Variants in ATP9B observed in about 807,000 individuals in gnomAD.
ATP9B encodes probable phospholipid-transporting ATPase IIB.
ATP9B carries 110 observed loss-of-function variants against 146.1 expected under a neutral mutation model. The observed-to-expected ratio is 0.75, with a 90% CI of 0.65 to 0.88. ATP9B has a LOEUF of 0.88. ATP9B is among the 40% of genes least tolerant of loss of function. The pLI, the probability that ATP9B is intolerant of heterozygous loss-of-function variation, is 0.00. For missense variants in ATP9B, 1,499 were observed against 1,496.4 expected, an observed-to-expected ratio of 1.00 and a Z score of -0.03; for synonymous variants, 604 against 569.7, an observed-to-expected ratio of 1.06 and a Z score of -0.86.
At chr18:79,093,928 C>T (rs1219662119) in intron 1 of ATP9B, among the ~76,000 whole-genome samples, 4 of 152,188 alleles carry the variant, frequency 2.6e-5, no homozygotes, top group African/African-American at 9.7e-5. Flanking sequence ...GTTGTTCTTT[C>T]TCTTGACTAT....
At chr18:79,073,648 C>A (rs947628127) in intron 1 of ATP9B, among the ~76,000 whole-genome samples, 2 of 151,554 alleles carry the variant, frequency 1.3e-5, no homozygotes, top group African/African-American at 4.8e-5. Context: ...GGGGGGAGAC[C>A]GTGGAAAGCG....
chr18:79,345,637 G>A (rs2096882052), intron 22 of ATP9B, 65 bp downstream of exon 22: 35 of 1,595,464 alleles, frequency 2.2e-5, no homozygotes, highest in Non-Finnish European at 2.7e-5. Context: ...ACATTGATGG[G>A]CAAAGTTTGT....
intron 4 of ATP9B, among the ~76,000 whole-genome samples, chr18:79,123,448 A>G (rs2094224716): frequency 6.6e-6 from 1 of 152,208 alleles, no homozygotes; most frequent in African/African-American, 2.4e-5. Flanking sequence ...AAGACTTAAT[A>G]TTGTTAAGAT....
At chr18:79,117,529 G>C (rs775915650) in intron 4 of ATP9B, 4 of 152,178 alleles carry the variant, frequency 2.6e-5, no homozygotes, top group Non-Finnish European at 5.9e-5. Context: ...AGAAGGTCTT[G>C]GACTGTTTTA....
chr18:79,342,806 T>C (rs2096866605), intron 20 of ATP9B, among the ~76,000 whole-genome samples: 1 of 152,158 alleles, frequency 6.6e-6, no homozygotes, highest in Non-Finnish European at 1.5e-5. Context: ...ATTAAAAAAA[T>C]TACATTTTTC....
At chr18:79,325,843 C>T (rs768830595) in intron 15 of ATP9B, among the ~76,000 whole-genome samples, 12 of 152,194 alleles carry the variant, frequency 7.9e-5, no homozygotes, top group Non-Finnish European at 1.8e-4. Flanking sequence ...TCTCTGCACA[C>T]TCCATTCCTT....
chr18:79,087,541 G>A (rs2073950617), intron 1 of ATP9B: 1 of 152,226 alleles, frequency 6.6e-6, no homozygotes, highest in Non-Finnish European at 1.5e-5. Context: ...TGCAGGCAAA[G>A]TGGGAGTGTT....
intron 5 of ATP9B, among the ~76,000 whole-genome samples, chr18:79,129,140 A>G (rs1568236702): frequency 1.3e-5 from 2 of 152,192 alleles, no homozygotes; most frequent in African/African-American, 4.8e-5. Flanking sequence ...TTTCTCAAAC[A>G]TATGCAAGGC....
chr18:79,143,720 A>G lies in ATP9B; in HGVS notation c.668-82A>G, dbSNP rs961138858. On this transcript the variant is annotated intron_variant, in intron 5 of 29. Transcript: ENST00000426216. ...GTTTTTTTTTCTGTAGCTTATTTCT[A>G]AAGTAATTATTTTTTAATTGAAAGT... 1.3e-5 allele frequency: 11 copies of G among 879,864 alleles called. No homozygotes were observed. The African/African-American group carries it at 1.7e-4, about 14-fold the overall frequency. 54.5% of individuals were successfully genotyped at this position (879,864 alleles called of 1,614,324 possible). A position where few individuals can be genotyped will look rare whatever the true frequency, so the allele number is the denominator to read the frequency against.
chr18:79,353,357 T>TC (rs1485298012), intron 25 of ATP9B: 1 of 152,158 alleles, frequency 6.6e-6, no homozygotes, highest in East Asian at 1.9e-4. Flanking sequence ...ACTGGGAGCT[T>TC]CCACGCAGAC....
At chr18:79,286,460 A>C (rs2096443131) in intron 13 of ATP9B, among the ~76,000 whole-genome samples, 1 of 151,980 alleles carries the variant, frequency 6.6e-6, no homozygotes, top group African/African-American at 2.4e-5. Context: ...ATTTTTGTAC[A>C]TTGATTTTGT....
chr18:79,071,049 CTTTTTTTT>C (rs746689031), intron 1 of ATP9B, among the ~76,000 whole-genome samples: 2 of 112,396 alleles, frequency 1.8e-5, no homozygotes, highest in African/African-American at 7.0e-5. Flanking sequence ...ATTCCTGTTT[CTTTTTTTT>C]TTTTTTTTTG....
chr18:79,194,868 TC>T (rs2095404236), intron 9 of ATP9B, among the ~76,000 whole-genome samples: 2 of 152,164 alleles, frequency 1.3e-5, no homozygotes, highest in Non-Finnish European at 2.9e-5. Context: ...GCTGATATCA[TC>T]CAGGTTTTGC....
chr18:79,230,234 A>G (rs1599103517), intron 11 of ATP9B, among the ~76,000 whole-genome samples: 2 of 152,252 alleles, frequency 1.3e-5, no homozygotes, highest in African/African-American at 2.4e-5. Context: ...GACAAGAGAA[A>G]GAAATAAAGC....
chr18:79,083,733 C>T (rs2073510811), intron 1 of ATP9B, among the ~76,000 whole-genome samples: 1 of 152,174 alleles, frequency 6.6e-6, no homozygotes, highest in Non-Finnish European at 1.5e-5. Context: ...CCTCCTTGGG[C>T]TGCACCCACT....
intron 8 of ATP9B, among the ~76,000 whole-genome samples, chr18:79,179,431 A>T (rs908573215): frequency 1.3e-5 from 2 of 152,072 alleles, no homozygotes; most frequent in Admixed American, 1.3e-4. Context: ...GTTTCCAAGC[A>T]TTGTTTACCT....
intron 25 of ATP9B, among the ~76,000 whole-genome samples, chr18:79,352,261 C>T (rs1159006227): frequency 1.3e-5 from 2 of 152,166 alleles, no homozygotes; most frequent in African/African-American, 4.8e-5. Flanking sequence ...TCGTTAAAGT[C>T]AGATTGAACC....
intron 13 of ATP9B, among the ~76,000 whole-genome samples, chr18:79,279,012 G>A (rs75928802): frequency 0.012 from 1,825 of 152,314 alleles, 21 homozygotes; most frequent in Non-Finnish European, 0.017. Context: ...CACATGGGTG[G>A]GAGAAACGTC....
intron 11 of ATP9B, among the ~76,000 whole-genome samples, chr18:79,236,568 T>C (rs1204150470): frequency 6.6e-6 from 1 of 152,258 alleles, no homozygotes; most frequent in Non-Finnish European, 1.5e-5. Context: ...TCCTTTCTGT[T>C]ACATTTCTAA....
Sources: allele counts gnomAD v4.1 joint callset (sites outside exome capture counted in the v4.1 genomes callset), GRCh38; gene constraint gnomAD v4.1.1; transcripts MANE v1.5; gene names NCBI Gene and HGNC (gene_info 2026-07-23, HGNC 2026-07-21).